Variants in INSYN1 observed in about 807,000 individuals in gnomAD.
INSYN1 encodes inhibitory synaptic factor 1.
INSYN1 carries 7 observed loss-of-function variants against 17.1 expected under a neutral mutation model. The ratio of observed to expected loss-of-function variants is 0.41; its 90% CI spans 0.23 to 0.77. The LOEUF is 0.77. INSYN1 is among the 30% of genes least tolerant of loss of function. The probability of loss-of-function intolerance (pLI) is 0.32; values close to 1 mark genes in which losing one functional copy is unlikely to be tolerated. For missense variants in INSYN1, 339 were observed against 400.6 expected (o/e 0.85, Z 1.31); for synonymous variants, 174 against 166.3 (o/e 1.05, Z -0.36).
chr15:73,741,528 G>A (rs556919295), intron 2 of INSYN1, among the ~76,000 whole-genome samples: 7 of 152,316 alleles, frequency 4.6e-5, no homozygotes, highest in African/African-American at 1.7e-4. Flanking sequence ...TTGCCTGGGT[G>A]GCCACTGTCA....
At chr15:73,741,439 G>A (rs1002683811) in intron 2 of INSYN1, among the ~76,000 whole-genome samples, 1 of 152,212 alleles carries the variant, frequency 6.6e-6, no homozygotes. Flanking sequence ...CAGCTGTGGA[G>A]GTCACTCCAC....
rs1340618865 is a variant in INSYN1, at chr15:73,752,806, C to G, written c.-1264G>C. ...GTCCCCGAGGAGGGGCGATGTCAGC[C>G]GCGGGGACCCGGTCCCCGCCGGGCC... is the stretch of plus-strand genomic sequence containing the variant. On this transcript the variant is annotated 5_prime_UTR_variant, in exon 1 of 3. Transcript: ENST00000569673. This position sits in a 1 kb window ranked among gnomAD's most constrained non-coding sequence, Gnocchi z 5.2. 7.3e-5 allele frequency: 11 copies of G among 151,584 alleles called. No homozygotes were observed. Among genetic ancestry groups the G allele is most frequent in the Admixed American group, 7.2e-4 (11 of 15,242 alleles). 9.4% of individuals were successfully genotyped at this position (151,584 alleles called of 1,614,324 possible). A position where few individuals can be genotyped will look rare whatever the true frequency, so the allele number is the denominator to read the frequency against.
At chr15:73,751,953 C>A (rs527616902) in intron 1 of INSYN1, among the ~76,000 whole-genome samples, 157 bp downstream of exon 1, 2 of 150,598 alleles carry the variant, frequency 1.3e-5, no homozygotes, top group African/African-American at 4.9e-5. Flanking sequence ...CCCTCCCCCC[C>A]CACCTTCCCC....
At position 73,752,678 on chromosome 15, in the gene INSYN1, C is replaced by T. The variant is rs969988109; in HGVS notation, c.-1136G>A. 4 of 152,022 alleles carry T rather than the reference C, an allele frequency of 2.6e-5. No individual in the cohort carries two copies. Among genetic ancestry groups the T allele is most frequent in the Non-Finnish European group, 2.9e-5 (2 of 68,044 alleles). 9.4% of individuals were successfully genotyped at this position (152,022 alleles called of 1,614,324 possible). On this transcript the variant is annotated 5_prime_UTR_variant, in exon 1 of 3. Transcript: ENST00000569673. The surrounding 1 kb of genome is among the most constrained non-coding windows in gnomAD (Gnocchi z 5.2). ...TCCGTGCCCCGGCACCCGCGGCGTCCGGAGCGGCCGCGAGGGTCTGCTCAG... is the reference window on the plus strand; with the variant it reads ...TCCGTGCCCCGGCACCCGCGGCGTCTGGAGCGGCCGCGAGGGTCTGCTCAG...
Position 73,739,838 on chromosome 15 carries a change from A to AATATATATATATATATATATATATAT in INSYN1, c.*53_*78dup, listed in dbSNP as rs71650721. On this transcript the variant is annotated 3_prime_UTR_variant, in exon 3 of 3. Transcript: ENST00000569673. Reference sequence around the variant, plus strand: ...ATTTTATTATGACTTCATTTGTTTAAATATATATATATATATATATATATA... The same window carrying AATATATATATATATATATATATATAT: ...ATTTTATTATGACTTCATTTGTTTAAATATATATATATATATATATATATATATATATATATATATATATATATATA... 7.0e-6 allele frequency: 1 copy of AATATATATATATATATATATATATAT among 143,830 alleles called. No individual in the cohort carries two copies. The highest frequency in any genetic ancestry group is 3.0e-5 in the African/African-American group (1 of 33,818). 8.9% of individuals were successfully genotyped at this position (143,830 alleles called of 1,614,324 possible).
At position 73,738,332 on chromosome 15, in the gene INSYN1, G is replaced by T. The variant is rs985502224; in HGVS notation, c.*1585C>A. On this transcript the variant is annotated 3_prime_UTR_variant, in exon 3 of 3. Transcript: ENST00000569673. ...AATTCTTGGGGGCAGAGTAGCACAGGCTTTGTGGCTTTGGGGCAGGTACTG... is the reference window on the plus strand; with the variant it reads ...AATTCTTGGGGGCAGAGTAGCACAGTCTTTGTGGCTTTGGGGCAGGTACTG... The T allele has an allele frequency of 2.6e-5, 4 of 152,276 alleles. No homozygotes were observed. Among genetic ancestry groups the T allele is most frequent in the African/African-American group, 7.2e-5 (3 of 41,458 alleles). 9.4% of individuals were successfully genotyped at this position (152,276 alleles called of 1,614,324 possible).
chr15:73,743,131 A>G (rs1182713125), intron 2 of INSYN1, among the ~76,000 whole-genome samples: 1 of 152,214 alleles, frequency 6.6e-6, no homozygotes, highest in East Asian at 1.9e-4. Context: ...GAATGCCAGT[A>G]GGAATTGGAG....
intron 2 of INSYN1, among the ~76,000 whole-genome samples, chr15:73,742,026 T>A (rs1901704004): frequency 6.6e-6 from 1 of 152,208 alleles, no homozygotes; most frequent in African/African-American, 2.4e-5. Flanking sequence ...TAGGTCTCAG[T>A]TGCCCAGTCT....
chr15:73,742,829 T>G (rs569232588), intron 2 of INSYN1, among the ~76,000 whole-genome samples: 4 of 152,078 alleles, frequency 2.6e-5, no homozygotes, highest in Non-Finnish European at 5.9e-5. Context: ...ACACTCAGAC[T>G]TGAGTGTCCC....
rs1429657125 is a variant in INSYN1 at position 73,753,222 on chromosome 15, C to T, written c.-1680G>A. ...CCAAGCGCCGCGGCGCCGCGCCGCCCGCGCCCCGGCCGCCCCCGGCCCGCC... is the reference window on the plus strand; with the variant it reads ...CCAAGCGCCGCGGCGCCGCGCCGCCTGCGCCCCGGCCGCCCCCGGCCCGCC... On this transcript the variant is annotated 5_prime_UTR_variant, in exon 1 of 3. Transcript: ENST00000569673. This position sits in a 1 kb window ranked among gnomAD's most constrained non-coding sequence, Gnocchi z 4.2. Among the ~76,000 whole-genome samples, 2 of 145,176 alleles carry T rather than the reference C, an allele frequency of 1.4e-5. No individual in the cohort carries two copies. Among genetic ancestry groups the T allele is most frequent in the Non-Finnish European group, 3.1e-5 (2 of 65,434 alleles).
chr15:73,746,411 C>A (rs945517095), intron 2 of INSYN1, among the ~76,000 whole-genome samples: 1 of 152,170 alleles, frequency 6.6e-6, no homozygotes, highest in Non-Finnish European at 1.5e-5. Flanking sequence ...CCCACTTTGG[C>A]GCAGCTCCGT....
intron 2 of INSYN1, among the ~76,000 whole-genome samples, chr15:73,746,154 A>G (rs180709845): frequency 3.1e-4 from 47 of 151,138 alleles, no homozygotes; most frequent in Non-Finnish European, 6.0e-4. Flanking sequence ...ATTTATGACC[A>G]CTGATTATTT....
chr15:73,742,333 T>A (rs1299192407), intron 2 of INSYN1, among the ~76,000 whole-genome samples: 1 of 152,172 alleles, frequency 6.6e-6, no homozygotes, highest in Non-Finnish European at 1.5e-5. Flanking sequence ...CAAGTGGGTA[T>A]GACAATCCCA....
At position 73,737,005 on chromosome 15, in the gene INSYN1, T is replaced by C. The variant is rs1230804517; in HGVS notation, c.*2912A>G. On this transcript the variant is annotated 3_prime_UTR_variant, in exon 3 of 3. Coordinates refer to ENST00000569673, the MANE Select transcript of INSYN1 (RefSeq NM_001039614.3). ...CAAAATTGTGAAGTCAGCCAAGTAC[T>C]ACCTATATCCCACTTCCCCCTCCTC... 6.6e-6 allele frequency: 1 copy of C among 152,314 alleles called. No homozygotes were observed. The highest frequency in any genetic ancestry group is 2.4e-5 in the African/African-American group (1 of 41,456). 9.4% of individuals were successfully genotyped at this position (152,314 alleles called of 1,614,324 possible). A position where few individuals can be genotyped will look rare whatever the true frequency, so the allele number is the denominator to read the frequency against.
Position 73,753,202 on chromosome 15 carries a change from C to A in INSYN1, c.-1660G>T, listed in dbSNP as rs1035825167. 6.9e-6 allele frequency among the ~76,000 whole-genome samples: 1 copy of A among 144,988 alleles called. No homozygotes were observed. The highest frequency in any genetic ancestry group is 2.5e-5 in the African/African-American group (1 of 40,564). ...CCGGGGCCTGGGCCCGCTCCCCAAGCGCCGCGGCGCCGCGCCGCCCGCGCC... is the reference window on the plus strand; with the variant it reads ...CCGGGGCCTGGGCCCGCTCCCCAAGAGCCGCGGCGCCGCGCCGCCCGCGCC... On this transcript the variant is annotated 5_prime_UTR_variant, in exon 1 of 3. Coordinates refer to ENST00000569673, the MANE Select transcript of INSYN1 (RefSeq NM_001039614.3). The surrounding 1 kb of genome is among the most constrained non-coding windows in gnomAD (Gnocchi z 4.2).
At position 73,752,398 on chromosome 15, in the gene INSYN1, TG is replaced by T. The variant is rs1211038948; in HGVS notation, c.-857del. 6.6e-6 allele frequency: 1 copy of T among 152,092 alleles called. No individual in the cohort carries two copies. The highest frequency in any genetic ancestry group is 1.5e-5 in the Non-Finnish European group (1 of 68,058). 9.4% of individuals were successfully genotyped at this position (152,092 alleles called of 1,614,324 possible). ...AGATTTGGGGCTCCGAGGCCACAGG[TG>T]ACCGGGGCGCGGGGAGGCCGAGGAG... On this transcript the variant is annotated 5_prime_UTR_variant, in exon 1 of 3. Transcript: ENST00000569673. The surrounding 1 kb of genome is among the most constrained non-coding windows in gnomAD (Gnocchi z 5.2).
chr15:73,744,747 A>T (rs1229056439), intron 2 of INSYN1, among the ~76,000 whole-genome samples: 3 of 152,096 alleles, frequency 2.0e-5, no homozygotes, highest in Non-Finnish European at 4.4e-5. Context: ...AGAGGGGGAG[A>T]GAGAGAGTGG....
In INSYN1 at chr15:73,751,106, G is replaced by C; in HGVS notation, c.25C>G (p.Leu9Val). 2 of 1,613,894 alleles carry C rather than the reference G, an allele frequency of 1.2e-6. No homozygotes were observed. Among genetic ancestry groups the C allele is most frequent in the Non-Finnish European group, 1.7e-6 (2 of 1,180,012 alleles). Residue 9 changes from leucine (L) to valine (V), a missense_variant, in exon 2 of 3, where the codon CTC becomes GTC. By Grantham distance (32) the Leu-to-Val change is conservative. Coordinates refer to ENST00000569673, the MANE Select transcript of INSYN1 (RefSeq NM_001039614.3). MNIRGAPD[L>V]GQPSDDPSSG... is the part of the protein sequence containing the mutation. ...CTGGGGTCGTCACTGGGCTGCCCGA[G>C]GTCCGGGGCGCCCCGAATGTTCATC...
chr15:73,742,003 C>A (rs1468552613), intron 2 of INSYN1, among the ~76,000 whole-genome samples: 3 of 152,188 alleles, frequency 2.0e-5, no homozygotes, highest in African/African-American at 2.4e-5. Context: ...CCTGGTCAAC[C>A]ATTTTTCCTC....
Sources: allele counts gnomAD v4.1 joint callset (sites outside exome capture counted in the v4.1 genomes callset), GRCh38; gene constraint gnomAD v4.1.1; non-coding constraint Gnocchi (gnomAD v3.1); transcripts MANE v1.5; gene names NCBI Gene and HGNC (gene_info 2026-07-23, HGNC 2026-07-21).